Variants in NOC4L observed in about 807,000 individuals in gnomAD.
NOC4L encodes the protein nucleolar complex associated 4 homolog.
A neutral mutation model predicts 62.8 loss-of-function variants in NOC4L; 40 were observed. The observed-to-expected ratio is 0.64, with a 90% CI of 0.49 to 0.83. The LOEUF is 0.83. NOC4L is among the 40% of genes least tolerant of loss of function. NOC4L has a pLI of 0.00. For synonymous variants in NOC4L, 433 were observed against 299.8 expected (o/e 1.44, Z -4.59); for missense variants, 927 against 701.9 (o/e 1.32, Z -3.62).
At chr12:132,147,159 A>T in intron 3 of NOC4L, 122 bp from the exon 4 acceptor site, 6 of 638,880 alleles carry the variant, frequency 9.4e-6, no homozygotes, top group South Asian at 7.5e-5. Flanking sequence ...GAGCAAGAGA[A>T]GGCCCGGCCG....
intron 13 of NOC4L, 30 bp downstream of exon 13, chr12:132,151,850 C>T: frequency 6.3e-7 from 1 of 1,598,838 alleles, no homozygotes; most frequent in Non-Finnish European, 8.5e-7. Flanking sequence ...ACCCTGGGGC[C>T]TCCCGAGCCA....
At position 132,150,672 on chromosome 12, in the gene NOC4L, A is replaced by C. The variant is rs372609303; in HGVS notation, c.902-309A>C. On this transcript the variant is annotated intron_variant, in intron 9 of 14. Coordinates refer to ENST00000330579, the MANE Select transcript of NOC4L (RefSeq NM_024078.3). The stretch of plus-strand genomic sequence containing the variant: ...CTCGGTGAGTGCCGCCGCCTCGCTC[A>C]TACCACACCCCTAATCCCCTCGGTG... Among the ~76,000 whole-genome samples the C allele has an allele frequency of 5.8e-3, 37 of 6,390 alleles. 9 individuals carry two copies. The highest frequency in any genetic ancestry group is 0.032 in the African/African-American group (20 of 628). 4.2% of individuals were successfully genotyped at this position (6,390 alleles called of 152,430 possible).
In NOC4L at chr12:132,147,296, G is replaced by T; in HGVS notation, c.361G>T (p.Ala121Ser). Residue 121 changes from alanine (A) to serine (S), a missense_variant, in exon 4 of 15, where the codon GCA becomes TCA. Coordinates refer to ENST00000330579, the MANE Select transcript of NOC4L (RefSeq NM_024078.3). ...SFQVKELALS[A>S]LLKFVQLEGA... is the part of the protein sequence containing the mutation. ...CCCTTCCCAGGAGCTGGCCCTCAGC[G>T]CACTCCTGAAGTTCGTGCAGCTGGA... 1 of 1,561,090 alleles carries T rather than the reference G, an allele frequency of 6.4e-7. No individual in the cohort carries two copies. The highest frequency in any genetic ancestry group is 8.7e-7 in the Non-Finnish European group (1 of 1,152,852).
rs558961501 is a variant in NOC4L at position 132,151,115 on chromosome 12, C to T, written c.962+74C>T. 5.4e-5 allele frequency: 79 copies of T among 1,471,850 alleles called. No individual in the cohort carries two copies. The East Asian group carries it at 7.9e-4, about 15-fold the overall frequency. 91.2% of individuals were successfully genotyped at this position (1,471,850 alleles called of 1,614,324 possible). A position where few individuals can be genotyped will look rare whatever the true frequency, so the allele number is the denominator to read the frequency against. Reference sequence around the variant, plus strand: ...GCTCCTCTGTCCCCTTCCCACCCTGCCCCACGGGGTCCCCGCTTTCCTCAC... The same window carrying T: ...GCTCCTCTGTCCCCTTCCCACCCTGTCCCACGGGGTCCCCGCTTTCCTCAC... On this transcript the variant is annotated intron_variant, in intron 10 of 14. Transcript: ENST00000330579.
chr12:132,148,490 C>G, intron 7 of NOC4L, 119 bp from the exon 8 acceptor site: 1 of 1,108,684 alleles, frequency 9.0e-7, no homozygotes, highest in Middle Eastern at 2.1e-4. Context: ...AAGGCAGGGT[C>G]AGAAAAGTGG....
In NOC4L at chr12:132,144,484, G is replaced by A. The variant is rs1199835945; in HGVS notation, c.-5G>A. On this transcript the variant is annotated 5_prime_UTR_variant, in exon 1 of 15. Transcript: ENST00000330579. ...GAATCCGCGTTGTTCCGTGTTGGGG[G>A]CGGCATGGAGCGGGAGCCGGGCGCC... 9.9e-6 allele frequency: 15 copies of A among 1,522,096 alleles called. No homozygotes were observed. The highest frequency in any genetic ancestry group is 2.6e-5 in the East Asian group (1 of 38,686). The allele number at this position is 1,522,096 out of a possible 1,614,324, so 94.3% of individuals were successfully genotyped here.
chr12:132,151,175 G>T (rs947791702), intron 10 of NOC4L, 83 bp from the exon 11 acceptor site: 2 of 1,436,244 alleles, frequency 1.4e-6, no homozygotes, highest in African/African-American at 2.8e-5. Flanking sequence ...GCGGGAGGAA[G>T]GGGCGCCGAG....
intron 4 of NOC4L, 112 bp downstream of exon 4, chr12:132,147,500 ACTCCTGTGG>A: frequency 3.5e-6 from 5 of 1,448,654 alleles, no homozygotes; most frequent in African/African-American, 1.4e-5. Context: ...TGGCTGGGAC[ACTCCTGTGG>A]CTCCTGTGGC....
Position 132,152,129 on chromosome 12 carries a change from G to A in NOC4L, c.1363G>A (p.Val455Ile), listed in dbSNP as rs141373941. Residue 455 changes from valine to isoleucine, a missense_variant, in exon 14 of 15, where the codon GTC becomes ATC. Transcript: ENST00000330579. ...YHPEVSKAAS[V>I]INQALSMPEV... ...CCCTGAGGTGTCCAAAGCCGCCAGCGTCATCAACCAGGCCCTGTCCATGCC... is the reference window on the plus strand; with the variant it reads ...CCCTGAGGTGTCCAAAGCCGCCAGCATCATCAACCAGGCCCTGTCCATGCC... 5.2e-5 allele frequency: 84 copies of A among 1,609,062 alleles called. No homozygotes were observed. Among genetic ancestry groups the A allele is most frequent in the Admixed American group, 1.8e-4 (11 of 59,846 alleles).
intron 6 of NOC4L, 41 bp from the exon 7 acceptor site, chr12:132,148,031 C>T: frequency 1.2e-6 from 2 of 1,613,272 alleles, no homozygotes; most frequent in South Asian, 1.1e-5. Flanking sequence ...GGTCTGCCTC[C>T]CCTGCGGGTC....
chr12:132,151,013 C>T lies in NOC4L; in HGVS notation c.934C>T (p.Leu312=), dbSNP rs766691435. ...GALSLLALNG[L]FILIHKHNLE... is the part of the protein sequence containing the mutation. The stretch of plus-strand genomic sequence containing the variant: ...CCTCAGCCTCTTGGCCTTGAACGGG[C>T]TGTTCATCTTGATTCACAAACACAA... Residue 312 remains leucine (L), a synonymous_variant, in exon 10 of 15, where the codon CTG becomes TTG. Transcript: ENST00000330579. 4.3e-6 allele frequency: 7 copies of T among 1,611,388 alleles called. No homozygotes were observed. Among genetic ancestry groups the T allele is most frequent in the East Asian group, 2.2e-5 (1 of 44,878 alleles).
At position 132,151,641 on chromosome 12, in the gene NOC4L, C is replaced by T. The variant is rs766304436; in HGVS notation, c.1231C>T (p.Pro411Ser). The T allele has an allele frequency of 1.2e-6, 2 of 1,611,736 alleles. No homozygotes were observed. The highest frequency in any genetic ancestry group is 2.2e-5 in the South Asian group (2 of 91,000). ...GGTCCTCGTGCACCGTCCACACGGC[C>T]CTGGTGAGTTGCGGGGCCCTCGGAG... Reference protein sequence around the residue: ...CRVLVHRPHGPELDADPYDPG... With the variant: ...CRVLVHRPHGSELDADPYDPG... The change falls in exon 12 of 15, where the codon CCT (proline) becomes TCT (serine). Residue 411 changes from proline (P) to serine (S), a missense_variant. Transcript: ENST00000330579.
chr12:132,146,386 G>C, intron 3 of NOC4L: 1 of 452,596 alleles, frequency 2.2e-6, no homozygotes, highest in Admixed American at 2.4e-5. Context: ...GGGCATTTGC[G>C]TCGTTTCCAC....
chr12:132,148,127 C>G, intron 7 of NOC4L, 21 bp downstream of exon 7: 1 of 1,612,580 alleles, frequency 6.2e-7, no homozygotes, highest in South Asian at 1.1e-5. Flanking sequence ...TCTGGAGAGC[C>G]GGGCACCCTC....
chr12:132,144,945 A>C lies in NOC4L; in HGVS notation c.209A>C (p.Gln70Pro), dbSNP rs1420878696. The C allele has an allele frequency of 3.7e-6, 6 of 1,600,790 alleles. No individual in the cohort carries two copies. Among genetic ancestry groups the C allele is most frequent in the African/African-American group, 2.7e-5 (2 of 74,860 alleles). Residue 70 changes from glutamine to proline, a missense_variant, in exon 2 of 15, where the codon CAG becomes CCG. Transcript: ENST00000330579. ...LLERGELFVGQLPSEEMVMTG... is the reference protein window; with the variant it reads ...LLERGELFVGPLPSEEMVMTG... ...GAGCGGGGAGAGCTGTTTGTGGGCC[A>C]GCTGCCCTCTGAGGAGATGGTCATG...
chr12:132,146,245 C>T (rs781074924), intron 3 of NOC4L: 23 of 455,870 alleles, frequency 5.0e-5, no homozygotes, highest in South Asian at 1.4e-4. Flanking sequence ...TTTAGACGCT[C>T]CTCATAAGGG....
chr12:132,145,792 C>T (rs1897693569), intron 3 of NOC4L, 127 bp downstream of exon 3: 1 of 633,842 alleles, frequency 1.6e-6, no homozygotes, highest in Admixed American at 2.9e-5. Context: ...GGGAGCATCA[C>T]CCTGTGGGTG....
intron 1 of NOC4L, 74 bp downstream of exon 1, chr12:132,144,679 G>GT (rs1593425037): frequency 1.4e-6 from 2 of 1,450,412 alleles, no homozygotes; most frequent in East Asian, 5.0e-5. Flanking sequence ...GCGGCGGCAG[G>GT]TCCCCAGGAG....
At chr12:132,146,444 T>G (rs1269205884) in intron 3 of NOC4L, 2 of 433,748 alleles carry the variant, frequency 4.6e-6, no homozygotes, top group Non-Finnish European at 4.8e-6. Flanking sequence ...GTACAAACTC[T>G]TGTGTGATGT....
Sources: gnomAD v4.1 joint callset for allele counts (sites outside exome capture counted in the v4.1 genomes callset) on GRCh38, gnomAD v4.1.1 for gene constraint, MANE v1.5 for transcripts, NCBI Gene and HGNC (gene_info 2026-07-23, HGNC 2026-07-21) for gene names.